CELF2: variants seen among roughly 807,000 people sequenced by gnomAD.
The protein encoded by CELF2 is CUGBP Elav-like family member 2, also known as CUG triplet repeat RNA-binding protein 2.
CELF2 carries 8 observed loss-of-function variants against 62.6 expected under a neutral mutation model. The ratio of observed to expected loss-of-function variants is 0.13; its 90% CI spans 0.07 to 0.23. The LOEUF (loss-of-function observed/expected upper bound fraction) is 0.23. Among genes scored for constraint, CELF2 ranks in the 10% least tolerant of loss-of-function variants. CELF2 has a pLI of 1.00. For synonymous variants in CELF2, 258 were observed against 250.0 expected, an observed-to-expected ratio of 1.03 and a Z score of -0.30; for missense variants, 333 against 671.0, an observed-to-expected ratio of 0.50 and a Z score of 5.56.
rs2090426818 is a variant in CELF2, at chr10:11,284,468, T to TGTGGTGGGTGGATGAGGGATGAGTGC, written c.842-3925_842-3924insCGTGGTGGGTGGATGAGGGATGAGTG. ...GTGGTGGGTGGATGAGGGATGAGTG[T>TGTGGTGGGTGGATGAGGGATGAGTGC]GTGGTGGGTGGATGAGGGATGAGTG... On this transcript the variant is annotated intron_variant, in intron 8 of 12. Transcript: ENST00000633077. Among the ~76,000 whole-genome samples, 5 of 100,480 alleles carry TGTGGTGGGTGGATGAGGGATGAGTGC rather than the reference T, an allele frequency of 5.0e-5. 1 individual carries two copies. Among genetic ancestry groups the TGTGGTGGGTGGATGAGGGATGAGTGC allele is most frequent in the Non-Finnish European group, 8.7e-5 (4 of 45,990 alleles). 65.9% of individuals were successfully genotyped at this position (100,480 alleles called of 152,430 possible). A position where few individuals can be genotyped will look rare whatever the true frequency, so the allele number is the denominator to read the frequency against.
At chr10:11,210,227 C>T (rs2061481424) in intron 2 of CELF2, among the ~76,000 whole-genome samples, 1 of 152,146 alleles carries the variant, frequency 6.6e-6, no homozygotes, top group Non-Finnish European at 1.5e-5. Context: ...ATATAGAGAG[C>T]TCAGTCATCA....
At position 10,928,907 on chromosome 10, in the gene CELF2, A is replaced by G. The variant is rs1480507828; in HGVS notation, c.89+8908A>G. 1.3e-5 allele frequency among the ~76,000 whole-genome samples: 2 copies of G among 152,218 alleles called. No homozygotes were observed. The highest frequency in any genetic ancestry group is 3.9e-4 in the East Asian group (2 of 5,192). ...AGTAGGCACGAATAAATATTTGCAT[A>G]AGTGTTTGACCGTCTGAATAGATGT... On this transcript the variant is annotated intron_variant, in intron 2 of 13. Transcript: ENST00000636488. The surrounding 1 kb of genome is among the most constrained non-coding windows in gnomAD (Gnocchi z 4.8).
At chr10:11,313,449 T>C (rs575330128) in intron 9 of CELF2, among the ~76,000 whole-genome samples, 11 of 152,320 alleles carry the variant, frequency 7.2e-5, no homozygotes, top group South Asian at 6.2e-4. Flanking sequence ...TATACCAATA[T>C]AGAGTTGAAA....
intron 9 of CELF2, among the ~76,000 whole-genome samples, chr10:11,299,706 C>T (rs2093535649): frequency 6.6e-6 from 1 of 152,204 alleles, no homozygotes; most frequent in Non-Finnish European, 1.5e-5. Context: ...GACAGCGCCA[C>T]CGCACCACGA....
chr10:11,285,878 T>TGTGTGTG lies in CELF2; in HGVS notation c.842-2540_842-2539insGTGTGTG, dbSNP rs1491346882. On this transcript the variant is annotated intron_variant, in intron 8 of 12. Transcript: ENST00000633077. This position sits in a 1 kb window ranked among gnomAD's most constrained non-coding sequence, Gnocchi z 4.3. Reference sequence around the variant, plus strand: ...GTGTGTGTGTGTGTGTGTGTGTGTGTTTTTACATGGACTTGAAAATGAGTA... The same window carrying TGTGTGTG: ...GTGTGTGTGTGTGTGTGTGTGTGTGTGTGTGTGTTTTACATGGACTTGAAAATGAGTA... 3.0e-4 allele frequency among the ~76,000 whole-genome samples: 31 copies of TGTGTGTG among 105,058 alleles called. No homozygotes were observed. Among genetic ancestry groups the TGTGTGTG allele is most frequent in the South Asian group, 1.4e-3 (5 of 3,466 alleles). The allele number at this position is 105,058 out of a possible 152,430, so 68.9% of individuals were successfully genotyped here.
rs1347528848 is a variant in CELF2, at chr10:11,165,395, T to C, written c.75-91T>C. On this transcript the variant is annotated intron_variant, in intron 1 of 12. Coordinates refer to ENST00000633077, the MANE Select transcript of CELF2 (RefSeq NM_001326342.2). This position sits in a 1 kb window ranked among gnomAD's most constrained non-coding sequence, Gnocchi z 7.4. ...TGCCACTGCTCTTCTTCCTCCTCCT[T>C]CCGCCTCCCCGCTCCCCCACCCCCA... 9 of 1,532,726 alleles carry C rather than the reference T, an allele frequency of 5.9e-6. No individual in the cohort carries two copies. The highest frequency in any genetic ancestry group is 2.8e-5 in the African/African-American group (2 of 72,080). 94.9% of individuals were successfully genotyped at this position (1,532,726 alleles called of 1,614,324 possible).
At chr10:10,571,859 G>T in the CELF2 span, among the ~76,000 whole-genome samples, 3 of 152,122 alleles carry the variant, frequency 2.0e-5, no homozygotes, top group Admixed American at 2.0e-4. Context: ...TGAGATGAGC[G>T]TAGGAATGAG....
upstream of CELF2, among the ~76,000 whole-genome samples, chr10:11,015,574 T>A (rs2057139803): frequency 6.6e-6 from 1 of 152,202 alleles, no homozygotes; most frequent in South Asian, 2.1e-4. The surrounding 1 kb of genome is among the most constrained non-coding windows in gnomAD (Gnocchi z 4.8). Context: ...TAGAGTGAGT[T>A]TTCTTTTATA....
At chr10:10,693,674 TGCCACAATTTCA>T in the CELF2 span, among the ~76,000 whole-genome samples, 2 of 151,634 alleles carry the variant, frequency 1.3e-5, no homozygotes, top group African/African-American at 2.4e-5. Context: ...TATTGATTAT[TGCCACAATTTCA>T]GCTCCTGTTA....
At chr10:11,257,673 G>A in intron 4 of CELF2, 65 bp from the exon 5 acceptor site, 2 of 1,574,408 alleles carry the variant, frequency 1.3e-6, no homozygotes, top group Non-Finnish European at 1.7e-6. Flanking sequence ...ATGGGGTAAT[G>A]AAGCATTGAT....
At chr10:10,814,305 G>A (rs557424474) in intron 1 of CELF2, among the ~76,000 whole-genome samples, 1 of 142,792 alleles carries the variant, frequency 7.0e-6, no homozygotes, top group East Asian at 2.3e-4. Flanking sequence ...TTGCCCAAAA[G>A]AGCCAGAAGA....
In CELF2 at chr10:11,304,693, T is replaced by C. The variant is rs1440195294; in HGVS notation, c.977-9446T>C. On this transcript the variant is annotated intron_variant, in intron 9 of 12. Coordinates refer to ENST00000633077, the MANE Select transcript of CELF2 (RefSeq NM_001326342.2). Reference sequence around the variant, plus strand: ...ATTCATGAACGGATTAATCCATTAATGAGGGCAGAGCCTTCATGATCCAAT... The same window carrying C: ...ATTCATGAACGGATTAATCCATTAACGAGGGCAGAGCCTTCATGATCCAAT... Among the ~76,000 whole-genome samples the C allele has an allele frequency of 3.9e-5, 6 of 152,230 alleles. No individual in the cohort carries two copies. The East Asian group carries it at 1.2e-3, about 29-fold the overall frequency.
chr10:11,051,436 T>G (rs2140059599), intron 1 of CELF2, among the ~76,000 whole-genome samples: 1 of 152,336 alleles, frequency 6.6e-6, no homozygotes, highest in South Asian at 2.1e-4. Flanking sequence ...TCCTTTGAGT[T>G]TGCCTCTCTT....
chr10:10,467,590 T>C, the CELF2 span, among the ~76,000 whole-genome samples: 1 of 152,074 alleles, frequency 6.6e-6, no homozygotes, highest in Non-Finnish European at 1.5e-5. Context: ...AATTTGCTCA[T>C]AAATATTTAC....
chr10:10,890,759 A>C (rs1468471371), intron 1 of CELF2, among the ~76,000 whole-genome samples: 1 of 152,234 alleles, frequency 6.6e-6, no homozygotes, highest in Non-Finnish European at 1.5e-5. Context: ...TCATGCCTGT[A>C]ATCCCAGCAC....
chr10:11,208,807 A>AC (rs2135557031), intron 2 of CELF2, among the ~76,000 whole-genome samples: 2 of 152,188 alleles, frequency 1.3e-5, no homozygotes, highest in South Asian at 4.2e-4. Flanking sequence ...GGACTGAGAG[A>AC]CAGGAGGGCA....
At chr10:11,203,558 A>G (rs1050258401) in intron 2 of CELF2, among the ~76,000 whole-genome samples, 1 of 152,220 alleles carries the variant, frequency 6.6e-6, no homozygotes, top group Non-Finnish European at 1.5e-5. Flanking sequence ...GCCAGGCTTT[A>G]TCGGGAACCA....
chr10:11,182,439 TA>T (rs1262749593), intron 2 of CELF2, among the ~76,000 whole-genome samples: 1 of 152,236 alleles, frequency 6.6e-6, no homozygotes, highest in Non-Finnish European at 1.5e-5. Context: ...TTTGGAACTC[TA>T]AGACAATGAT....
chr10:10,741,894 T>C, the CELF2 span, among the ~76,000 whole-genome samples: 272 of 152,368 alleles, frequency 1.8e-3, 3 homozygotes, highest in African/African-American at 6.4e-3. Context: ...CAACAATTGT[T>C]ACTGTGTTGT....
Sources: allele counts gnomAD v4.1 joint callset (sites outside exome capture counted in the v4.1 genomes callset), GRCh38; gene constraint gnomAD v4.1.1; non-coding constraint Gnocchi (gnomAD v3.1); transcripts MANE v1.5; gene names NCBI Gene and HGNC (gene_info 2026-07-23, HGNC 2026-07-21).